METTL24: variants seen among roughly 807,000 people sequenced by gnomAD.
METTL24 encodes the protein probable methyltransferase-like protein 24.
METTL24 carries 29 observed loss-of-function variants against 32.7 expected under a neutral mutation model. The ratio of observed to expected loss-of-function variants is 0.89; its 90% CI spans 0.66 to 1.21. The LOEUF (loss-of-function observed/expected upper bound fraction) is 1.21, where lower values mean the gene tolerates loss of function less well. METTL24 is among the 50% of genes most tolerant of loss of function. METTL24 has a pLI of 0.00. For synonymous variants in METTL24, 163 were observed against 179.5 expected (o/e 0.91, Z 0.73); for missense variants, 439 against 468.1 (o/e 0.94, Z 0.57).
At position 110,317,556 on chromosome 6, in the gene METTL24, C is replaced by T. The variant is rs149531192; in HGVS notation, c.418-2075G>A. The stretch of plus-strand genomic sequence containing the variant: ...CAGCTGTGTGTGCCCCCAAAGCATG[C>T]CTGGACCTTATAAGCCAGAGCCATC... On this transcript the variant is annotated intron_variant, in intron 2 of 4. Coordinates refer to ENST00000338882, the MANE Select transcript of METTL24 (RefSeq NM_001123364.3). Among the ~76,000 whole-genome samples, 214 of 152,142 alleles carry T rather than the reference C, an allele frequency of 1.4e-3. 1 individual carries two copies. Among genetic ancestry groups the T allele is most frequent in the African/African-American group, 4.8e-3 (198 of 41,482 alleles).
At chr6:110,253,044 C>CAAGCG (rs1778312032) in intron 4 of METTL24, among the ~76,000 whole-genome samples, 1 of 152,184 alleles carries the variant, frequency 6.6e-6, no homozygotes, top group African/African-American at 2.4e-5. Flanking sequence ...AGAAGTGATT[C>CAAGCG]TAAGTGGCGT....
intron 1 of METTL24, among the ~76,000 whole-genome samples, chr6:110,336,544 T>A (rs1051384217): frequency 4.6e-5 from 7 of 151,844 alleles, no homozygotes; most frequent in African/African-American, 1.7e-4. Flanking sequence ...ATAGAGACCA[T>A]CCTGGCTAAC....
At chr6:110,354,190 G>A (rs538200061) in intron 1 of METTL24, among the ~76,000 whole-genome samples, 11 of 152,234 alleles carry the variant, frequency 7.2e-5, no homozygotes, top group Non-Finnish European at 1.0e-4. Context: ...CCCTGATGTC[G>A]AAAGATCTGA....
At chr6:110,335,402 T>G (rs1288534293) in intron 1 of METTL24, among the ~76,000 whole-genome samples, 1 of 152,142 alleles carries the variant, frequency 6.6e-6, no homozygotes, top group Non-Finnish European at 1.5e-5. Flanking sequence ...CTCGAATATA[T>G]TTCTTAATTG....
intron 3 of METTL24, among the ~76,000 whole-genome samples, chr6:110,314,709 C>A (rs1344744709): frequency 6.6e-6 from 1 of 152,118 alleles, no homozygotes; most frequent in East Asian, 1.9e-4. Flanking sequence ...CACCTGTAAT[C>A]CCAGCGCTTT....
chr6:110,272,438 A>G (rs1479568887), intron 4 of METTL24, among the ~76,000 whole-genome samples: 1 of 152,158 alleles, frequency 6.6e-6, no homozygotes, highest in Non-Finnish European at 1.5e-5. Flanking sequence ...ATGTGTGTGC[A>G]TGTGTCTTTT....
intron 4 of METTL24, among the ~76,000 whole-genome samples, chr6:110,290,903 G>T (rs1038201297): frequency 1.3e-5 from 2 of 152,038 alleles, no homozygotes; most frequent in African/African-American, 4.8e-5. Flanking sequence ...AGCCATTTTG[G>T]TAGTTATGAA....
chr6:110,280,868 G>T (rs1416787748), intron 4 of METTL24, among the ~76,000 whole-genome samples: 3 of 152,078 alleles, frequency 2.0e-5, no homozygotes, highest in Non-Finnish European at 2.9e-5. Flanking sequence ...GCCCAGGCTG[G>T]TCTCAAACTC....
intron 1 of METTL24, among the ~76,000 whole-genome samples, chr6:110,355,071 A>G (rs11962813): frequency 0.24 from 36,702 of 152,132 alleles, 4,872 homozygotes; most frequent in African/African-American, 0.34. Flanking sequence ...TATGGGAAAT[A>G]CAATCCTTCC....
At position 110,270,660 on chromosome 6, in the gene METTL24, G is replaced by A. The variant is rs1770940975; in HGVS notation, c.787-24400C>T. Among the ~76,000 whole-genome samples, 3 of 152,042 alleles carry A rather than the reference G, an allele frequency of 2.0e-5. No homozygotes were observed. The South Asian group carries it at 6.2e-4, about 32-fold the overall frequency. ...GCATATAATAATATTTGAACTTCCTGTAAAGCCAAATCTCTTACAAGATGT... is the reference window on the plus strand; with the variant it reads ...GCATATAATAATATTTGAACTTCCTATAAAGCCAAATCTCTTACAAGATGT... On this transcript the variant is annotated intron_variant, in intron 4 of 4. Transcript: ENST00000338882.
At chr6:110,337,270 T>G (rs1211419332) in intron 1 of METTL24, among the ~76,000 whole-genome samples, 2 of 152,138 alleles carry the variant, frequency 1.3e-5, no homozygotes, top group African/African-American at 4.8e-5. Context: ...GGGTTCTACT[T>G]GAGGGTCGAG....
intron 4 of METTL24, among the ~76,000 whole-genome samples, chr6:110,273,215 A>C (rs934652807): frequency 1.3e-5 from 2 of 152,102 alleles, no homozygotes; most frequent in African/African-American, 4.8e-5. Flanking sequence ...CATTTATTGA[A>C]TAGAGCGTCC....
intron 1 of METTL24, among the ~76,000 whole-genome samples, chr6:110,335,455 C>A (rs1346648150): frequency 6.6e-6 from 1 of 152,006 alleles, no homozygotes; most frequent in South Asian, 2.1e-4. Context: ...GAAAAACAAC[C>A]TTCCATCCAT....
intron 1 of METTL24, among the ~76,000 whole-genome samples, chr6:110,349,013 G>A (rs370558012): frequency 2.0e-5 from 3 of 152,100 alleles, no homozygotes; most frequent in Non-Finnish European, 2.9e-5. Flanking sequence ...TTTAGATCTC[G>A]GTCCCCTGAA....
At chr6:110,337,736 C>T (rs1323370091) in intron 1 of METTL24, among the ~76,000 whole-genome samples, 1 of 152,218 alleles carries the variant, frequency 6.6e-6, no homozygotes, top group Non-Finnish European at 1.5e-5. Context: ...CCCGCTTATT[C>T]ACTAGTCAGT....
chr6:110,297,339 G>A lies in METTL24; in HGVS notation c.786+1583C>T, dbSNP rs184669917. ...ATCTAAAATTAGATAAATTATATCC[G>A]CAGATCACTTTTTCAAAGTCTTATT... On this transcript the variant is annotated intron_variant, in intron 4 of 4. Coordinates refer to ENST00000338882, the MANE Select transcript of METTL24 (RefSeq NM_001123364.3). Among the ~76,000 whole-genome samples the A allele has an allele frequency of 7.8e-4, 119 of 152,180 alleles. 3 individuals are homozygous for A. The East Asian group carries it at 0.012, about 16-fold the overall frequency.
At chr6:110,343,855 G>A (rs373836684) in intron 1 of METTL24, among the ~76,000 whole-genome samples, 147 of 152,292 alleles carry the variant, frequency 9.7e-4, no homozygotes, top group Middle Eastern at 3.4e-3. Context: ...TTAGAGAAGC[G>A]GGCAGTGCAG....
At chr6:110,353,776 G>C (rs1250921710) in intron 1 of METTL24, among the ~76,000 whole-genome samples, 1 of 152,038 alleles carries the variant, frequency 6.6e-6, no homozygotes, top group African/African-American at 2.4e-5. Context: ...CCTGTATGTT[G>C]CATCTGTCTT....
At chr6:110,279,160 C>G (rs908503040) in intron 4 of METTL24, among the ~76,000 whole-genome samples, 11 of 152,212 alleles carry the variant, frequency 7.2e-5, no homozygotes, top group Non-Finnish European at 1.6e-4. Context: ...TATTTATTTA[C>G]TGTGCATTTC....
Sources: allele counts gnomAD v4.1 joint callset (sites outside exome capture counted in the v4.1 genomes callset), GRCh38; gene constraint gnomAD v4.1.1; transcripts MANE v1.5; gene names NCBI Gene and HGNC (gene_info 2026-07-23, HGNC 2026-07-21).